COL19A1: variants seen among roughly 807,000 people sequenced by gnomAD.
The protein encoded by COL19A1 is collagen alpha-1(XIX) chain.
Under a neutral mutation model 190.2 loss-of-function variants are expected in COL19A1, and 159 were observed. The observed-to-expected ratio is 0.84, with a 90% CI of 0.73 to 0.95. COL19A1 has a LOEUF of 0.95. Among genes scored for constraint, COL19A1 ranks in the 40% least tolerant of loss-of-function variants. The pLI, the probability that COL19A1 is intolerant of heterozygous loss-of-function variation, is 0.00. For missense variants in COL19A1, 1,418 were observed against 1,431.9 expected (o/e 0.99, Z 0.16); for synonymous variants, 509 against 458.9 (o/e 1.11, Z -1.39).
chr6:70,102,152 TC>T lies in COL19A1; in HGVS notation c.1225-16del. The T allele has an allele frequency of 6.2e-7, 1 of 1,607,728 alleles. No homozygotes were observed. Among genetic ancestry groups the T allele is most frequent in the Non-Finnish European group, 8.5e-7 (1 of 1,174,348 alleles). ...TGGAGTCACAGTATTTATCATCTAT[TC>T]TTCTTTGGTTTCAAGGGAAGACGAG... On this transcript the variant is annotated splice_polypyrimidine_tract_variant and intron_variant, in intron 15 of 50. Coordinates refer to ENST00000620364, the MANE Select transcript of COL19A1 (RefSeq NM_001858.6).
intron 18 of COL19A1, among the ~76,000 whole-genome samples, chr6:70,136,013 A>G (rs1785846691): frequency 6.6e-6 from 1 of 152,116 alleles, no homozygotes; most frequent in East Asian, 1.9e-4. Context: ...TTATACCTTA[A>G]AGGTAACTTG....
chr6:69,938,038 G>C lies in COL19A1; in HGVS notation c.874G>C (p.Gly292Arg). 1 of 1,612,430 alleles carries C rather than the reference G, an allele frequency of 6.2e-7. No individual in the cohort carries two copies. ...AACACAGATATGCATTTTTGCTCAG[G>C]GAGAAGCAGGATTACCAGGAGCTCC... ...KDQCQCIPNKGEAGLPGAPGS... is the reference protein window; with the variant it reads ...KDQCQCIPNKREAGLPGAPGS... The change falls in exon 9 of 51, where the codon GGA becomes CGA. Residue 292 changes from glycine to arginine, a missense_variant and splice_region_variant. Transcript: ENST00000620364.
chr6:69,916,418 G>T (rs1582385124), intron 4 of COL19A1, among the ~76,000 whole-genome samples: 1 of 152,218 alleles, frequency 6.6e-6, no homozygotes, highest in East Asian at 1.9e-4. Context: ...GAATTAGAGA[G>T]AAAATATTCC....
chr6:70,077,434 C>A (rs1317244531), intron 15 of COL19A1, among the ~76,000 whole-genome samples: 3 of 151,910 alleles, frequency 2.0e-5, no homozygotes, highest in Non-Finnish European at 4.4e-5. Flanking sequence ...TTCTCATTTT[C>A]CTCAAAACCA....
At chr6:69,990,228 C>T (rs1162426690) in intron 11 of COL19A1, among the ~76,000 whole-genome samples, 1 of 151,992 alleles carries the variant, frequency 6.6e-6, no homozygotes, top group African/African-American at 2.4e-5. Context: ...ACTTAGACTC[C>T]ATCTTGTATT....
At chr6:70,056,011 C>A (rs1014704849) in intron 14 of COL19A1, among the ~76,000 whole-genome samples, 26 of 151,876 alleles carry the variant, frequency 1.7e-4, no homozygotes, top group Admixed American at 7.9e-4. Flanking sequence ...ACCTGCTATT[C>A]CATCTGTTGT....
At chr6:69,901,122 T>C (rs1245731385) in intron 4 of COL19A1, among the ~76,000 whole-genome samples, 7 of 137,468 alleles carry the variant, frequency 5.1e-5, no homozygotes, top group Non-Finnish European at 1.1e-4. Context: ...TGTATGAATA[T>C]ACCGCAATAA....
At chr6:70,172,079 C>T (rs1765532741) in intron 41 of COL19A1, 62 bp downstream of exon 41, 1 of 1,507,532 alleles carries the variant, frequency 6.6e-7, no homozygotes, top group Middle Eastern at 1.7e-4. Flanking sequence ...TACTGAGCAC[C>T]TAATGTGCCA....
intron 4 of COL19A1, among the ~76,000 whole-genome samples, chr6:69,913,753 TA>T (rs927791866): frequency 5.3e-5 from 8 of 151,716 alleles, no homozygotes; most frequent in African/African-American, 9.7e-5. Flanking sequence ...ATTCATATTT[TA>T]AAAAAAAGTG....
intron 49 of COL19A1, among the ~76,000 whole-genome samples, chr6:70,202,151 G>A (rs1767591160): frequency 6.6e-6 from 1 of 152,186 alleles, no homozygotes; most frequent in Non-Finnish European, 1.5e-5. Context: ...AACATAGGTT[G>A]GGAAGAAAAG....
intron 14 of COL19A1, among the ~76,000 whole-genome samples, chr6:70,039,799 G>T (rs1203861963): frequency 2.0e-5 from 3 of 146,748 alleles, no homozygotes; most frequent in Admixed American, 6.9e-5. Flanking sequence ...GTCTCACTCT[G>T]TTGCCCAGGC....
At chr6:70,083,125 CA>C (rs1471446351) in intron 15 of COL19A1, among the ~76,000 whole-genome samples, 2 of 152,040 alleles carry the variant, frequency 1.3e-5, no homozygotes, top group Non-Finnish European at 2.9e-5. Context: ...TGTTAACAAG[CA>C]AAAAGCAGGA....
rs143530096 is a variant in COL19A1, at chr6:70,163,868, G to T, written c.2400+472G>T. 1.0e-3 allele frequency among the ~76,000 whole-genome samples: 159 copies of T among 152,302 alleles called. 1 individual carries two copies. The highest frequency in any genetic ancestry group is 1.8e-3 in the African/African-American group (74 of 41,570). On this transcript the variant is annotated intron_variant, in intron 36 of 50. Coordinates refer to ENST00000620364, the MANE Select transcript of COL19A1 (RefSeq NM_001858.6). ...AGATCAAGGTGCTGGCAGAATCGGT[G>T]TCTGACAGAGTCTGCCTTCTTGTTC...
At chr6:70,057,727 A>C (rs1780582518) in intron 14 of COL19A1, among the ~76,000 whole-genome samples, 1 of 152,246 alleles carries the variant, frequency 6.6e-6, no homozygotes, top group South Asian at 2.1e-4. Context: ...TATTTGCAGT[A>C]CTGCCACATA....
At chr6:70,207,058 T>A in intron 50 of COL19A1, 80 bp downstream of exon 50, 1 of 1,602,036 alleles carries the variant, frequency 6.2e-7, no homozygotes, top group East Asian at 2.2e-5. Flanking sequence ...TCCTTATATG[T>A]CAAGTCGAGT....
chr6:70,194,324 T>C (rs1043311670), intron 48 of COL19A1, among the ~76,000 whole-genome samples: 58 of 152,308 alleles, frequency 3.8e-4, no homozygotes, highest in African/African-American at 1.3e-3. Flanking sequence ...GCTTCCCAGG[T>C]GACCCACCTG....
chr6:69,934,297 C>T (rs1356588204), intron 7 of COL19A1, among the ~76,000 whole-genome samples: 1 of 151,960 alleles, frequency 6.6e-6, no homozygotes, highest in Admixed American at 6.6e-5. Context: ...TGCCAATCTA[C>T]AGACTTGAAA....
At chr6:70,177,347 G>T (rs1284654448) in intron 42 of COL19A1, among the ~76,000 whole-genome samples, 1 of 151,374 alleles carries the variant, frequency 6.6e-6, no homozygotes, top group Non-Finnish European at 1.5e-5. Context: ...TAAGATAAAG[G>T]CCCTACAATC....
chr6:70,141,761 T>TC, intron 20 of COL19A1, 132 bp from the exon 21 acceptor site: 1 of 631,928 alleles, frequency 1.6e-6, no homozygotes, highest in South Asian at 2.1e-5. Flanking sequence ...GAACTCTCCT[T>TC]GATTTTATTG....
Sources: allele counts gnomAD v4.1 joint callset (sites outside exome capture counted in the v4.1 genomes callset), GRCh38; gene constraint gnomAD v4.1.1; transcripts MANE v1.5; gene names NCBI Gene and HGNC (gene_info 2026-07-23, HGNC 2026-07-21).